Variants in ZNF385B observed in about 807,000 individuals in gnomAD.
ZNF385B encodes the protein zinc finger protein 385B.
Under a neutral mutation model 39.2 loss-of-function variants are expected in ZNF385B, and 23 were observed. That is an observed-to-expected ratio of 0.59 (90% CI 0.42 to 0.83). The LOEUF (loss-of-function observed/expected upper bound fraction) is 0.83. Ranked by LOEUF, ZNF385B falls within the 40% of genes least tolerant of loss-of-function variation. The pLI is 0.00. For synonymous variants in ZNF385B, 205 were observed against 222.6 expected, an observed-to-expected ratio of 0.92 and a Z score of 0.70; for missense variants, 552 against 598.9, an observed-to-expected ratio of 0.92 and a Z score of 0.82.
At chr2:179,609,617 G>C (rs1055203468) in intron 3 of ZNF385B, among the ~76,000 whole-genome samples, 3 of 152,108 alleles carry the variant, frequency 2.0e-5, no homozygotes, top group African/African-American at 7.2e-5. Context: ...TGAATCACAT[G>C]GTAGCTCTAT....
chr2:179,486,144 A>C (rs1413175971), intron 5 of ZNF385B, among the ~76,000 whole-genome samples: 1 of 152,204 alleles, frequency 6.6e-6, no homozygotes, highest in African/African-American at 2.4e-5. Context: ...TATGCAAATA[A>C]AAATTAAAAA....
chr2:179,661,912 G>T (rs993236657), intron 3 of ZNF385B, among the ~76,000 whole-genome samples: 1 of 152,122 alleles, frequency 6.6e-6, no homozygotes, highest in Non-Finnish European at 1.5e-5. Context: ...CATGTATTGA[G>T]TTTAATTGCC....
At chr2:179,707,223 G>A (rs1699671020) in intron 3 of ZNF385B, among the ~76,000 whole-genome samples, 1 of 152,232 alleles carries the variant, frequency 6.6e-6, no homozygotes, top group African/African-American at 2.4e-5. Flanking sequence ...ATAGGTTCAG[G>A]AAGAAGGGAA....
At chr2:179,451,637 T>C (rs1330666883) in intron 6 of ZNF385B, among the ~76,000 whole-genome samples, 1 of 152,126 alleles carries the variant, frequency 6.6e-6, no homozygotes, top group African/African-American at 2.4e-5. Context: ...TTTGGAAATG[T>C]GTAAATGATT....
intron 6 of ZNF385B, among the ~76,000 whole-genome samples, chr2:179,458,901 C>G (rs917550321): frequency 2.0e-5 from 3 of 152,144 alleles, no homozygotes; most frequent in African/African-American, 4.8e-5. Flanking sequence ...TGGGTACCTC[C>G]CATCAATACA....
At position 179,635,603 on chromosome 2, in the gene ZNF385B, G is replaced by T. The variant is rs531375769; in HGVS notation, c.299-90634C>A. On this transcript the variant is annotated intron_variant, in intron 3 of 9. Transcript: ENST00000410066. Reference sequence around the variant, plus strand: ...AGGCAAGAAAGTGAATATTTATTAAGGTTGAGGGAAAGAAATCATAGCAAG... The same window carrying T: ...AGGCAAGAAAGTGAATATTTATTAATGTTGAGGGAAAGAAATCATAGCAAG... Among the ~76,000 whole-genome samples the T allele has an allele frequency of 2.6e-5, 4 of 152,142 alleles. No homozygotes were observed. The East Asian group carries it at 7.7e-4, about 29-fold the overall frequency.
At chr2:179,814,540 G>A in intron 1 of ZNF385B, 1 of 776,840 alleles carries the variant, frequency 1.3e-6, no homozygotes, top group Admixed American at 1.9e-5. Flanking sequence ...TTGGGGACTG[G>A]CAACAACAAG....
Position 179,673,921 on chromosome 2 carries a change from A to G in ZNF385B, c.298+95582T>C, listed in dbSNP as rs185451559. Among the ~76,000 whole-genome samples, 672 of 152,342 alleles carry G rather than the reference A, an allele frequency of 4.4e-3. 3 individuals are homozygous for G. Among genetic ancestry groups the G allele is most frequent in the African/African-American group, 0.015 (637 of 41,580 alleles). On this transcript the variant is annotated intron_variant, in intron 3 of 9. Coordinates refer to ENST00000410066, the MANE Select transcript of ZNF385B (RefSeq NM_152520.6). Reference sequence around the variant, plus strand: ...ATTTATAAACCTTTTTATGCAACATAAAATCATGCAGACTTTTATCTGAAA... The same window carrying G: ...ATTTATAAACCTTTTTATGCAACATGAAATCATGCAGACTTTTATCTGAAA...
chr2:179,701,708 T>C (rs1201918264), intron 3 of ZNF385B, among the ~76,000 whole-genome samples: 1 of 152,222 alleles, frequency 6.6e-6, no homozygotes, highest in East Asian at 1.9e-4. Context: ...CTGGCATTTG[T>C]TAGTCATGCC....
chr2:179,529,936 G>A (rs2059151832), intron 4 of ZNF385B, among the ~76,000 whole-genome samples: 1 of 152,230 alleles, frequency 6.6e-6, no homozygotes, highest in East Asian at 1.9e-4. Flanking sequence ...TCCTTATTTA[G>A]TATTGTATCT....
chr2:179,706,224 G>A (rs995570029), intron 3 of ZNF385B, among the ~76,000 whole-genome samples: 3 of 152,156 alleles, frequency 2.0e-5, no homozygotes, highest in African/African-American at 4.8e-5. Flanking sequence ...AGGTTGCCAG[G>A]TAGAGGTTTT....
chr2:179,476,800 A>G (rs2053488962), intron 6 of ZNF385B, among the ~76,000 whole-genome samples: 1 of 152,196 alleles, frequency 6.6e-6, no homozygotes, highest in Non-Finnish European at 1.5e-5. Flanking sequence ...GAGCTTTAGA[A>G]TAATGGTCTG....
intron 1 of ZNF385B, among the ~76,000 whole-genome samples, chr2:179,784,802 A>T (rs1244603477): frequency 6.6e-6 from 1 of 152,150 alleles, no homozygotes; most frequent in Non-Finnish European, 1.5e-5. Flanking sequence ...GTGTTTCATG[A>T]AGATGTGCAG....
intron 1 of ZNF385B, among the ~76,000 whole-genome samples, chr2:179,833,812 T>C (rs1708106085): frequency 6.6e-6 from 1 of 152,106 alleles, no homozygotes; most frequent in African/African-American, 2.4e-5. Flanking sequence ...AACATAACTG[T>C]ACAGAAGAAA....
At chr2:179,452,759 A>G (rs904344899) in intron 6 of ZNF385B, among the ~76,000 whole-genome samples, 6 of 152,266 alleles carry the variant, frequency 3.9e-5, no homozygotes, top group African/African-American at 1.4e-4. Flanking sequence ...AATTATTAAA[A>G]TTACTCATGA....
At chr2:179,764,104 C>G (rs981708221) in intron 3 of ZNF385B, among the ~76,000 whole-genome samples, 4 of 152,080 alleles carry the variant, frequency 2.6e-5, no homozygotes, top group Non-Finnish European at 4.4e-5. Flanking sequence ...TCTGCTCTAT[C>G]AGTTTTTGCT....
chr2:179,618,410 T>C (rs1326070443), intron 3 of ZNF385B, among the ~76,000 whole-genome samples: 1 of 152,206 alleles, frequency 6.6e-6, no homozygotes, highest in African/African-American at 2.4e-5. Context: ...TTCATATTCA[T>C]AACTCCTTTC....
chr2:179,457,059 C>A lies in ZNF385B; in HGVS notation c.716-10289G>T, dbSNP rs147476620. ...CTTGAACCCCTACCAGTTGAGATTT[C>A]CCCCAAAGATAACCACCTCTATTAA... is the stretch of plus-strand genomic sequence containing the variant. On this transcript the variant is annotated intron_variant, in intron 6 of 9. Coordinates refer to ENST00000410066, the MANE Select transcript of ZNF385B (RefSeq NM_152520.6). 2.8e-3 allele frequency among the ~76,000 whole-genome samples: 428 copies of A among 152,138 alleles called. 2 individuals carry two copies. Among genetic ancestry groups the A allele is most frequent in the African/African-American group, 9.7e-3 (403 of 41,538 alleles).
chr2:179,731,383 T>C (rs1214439384), intron 3 of ZNF385B, among the ~76,000 whole-genome samples: 5 of 152,188 alleles, frequency 3.3e-5, no homozygotes, highest in African/African-American at 1.2e-4. Context: ...GGCTGCCTGA[T>C]ACCAAGTCAC....
Sources: gnomAD v4.1 joint callset for allele counts (sites outside exome capture counted in the v4.1 genomes callset) on GRCh38, gnomAD v4.1.1 for gene constraint, MANE v1.5 for transcripts, NCBI Gene and HGNC (gene_info 2026-07-23, HGNC 2026-07-21) for gene names.